The following MIPOL1 variants were observed in gnomAD, a reference collection of about 807,000 sequenced individuals.
MIPOL1 encodes the protein mirror-image polydactyly 1.
A neutral mutation model predicts 60.9 loss-of-function variants in MIPOL1; 57 were observed. That is an observed-to-expected ratio of 0.94 (90% CI 0.76 to 1.17). The LOEUF (loss-of-function observed/expected upper bound fraction) is 1.17, where lower values mean the gene tolerates loss of function less well. Among genes scored for constraint, MIPOL1 ranks in the 50% most tolerant of loss-of-function variants. The probability of loss-of-function intolerance (pLI) is 0.00; values close to 1 mark genes in which losing one functional copy is unlikely to be tolerated. For missense variants in MIPOL1, 551 were observed against 511.6 expected (o/e 1.08, Z -0.74); for synonymous variants, 179 against 168.8 (o/e 1.06, Z -0.47).
intron 6 of MIPOL1, among the ~76,000 whole-genome samples, chr14:37,280,348 G>T (rs528076210): frequency 1.9e-4 from 29 of 152,258 alleles, no homozygotes; most frequent in African/African-American, 6.7e-4. Context: ...AAGTGGAACT[G>T]CTGGATCACA....
intron 11 of MIPOL1, among the ~76,000 whole-genome samples, chr14:37,451,358 G>A (rs1376159229): frequency 1.3e-5 from 2 of 152,170 alleles, no homozygotes; most frequent in South Asian, 2.1e-4. Context: ...TCAGAAGCCA[G>A]TGTTTCTTCT....
At chr14:37,283,910 T>C (rs2084330781) in intron 6 of MIPOL1, among the ~76,000 whole-genome samples, 1 of 152,146 alleles carries the variant, frequency 6.6e-6, no homozygotes, top group Non-Finnish European at 1.5e-5. Flanking sequence ...AGATACACCA[T>C]GTTGGTTTCT....
At chr14:37,217,677 TA>T (rs1967983432) in intron 1 of MIPOL1, among the ~76,000 whole-genome samples, 1 of 152,326 alleles carries the variant, frequency 6.6e-6, no homozygotes, top group South Asian at 2.1e-4. Flanking sequence ...AAAGATTTGA[TA>T]AAATTCAGCT....
chr14:37,299,126 G>A (rs562282821), intron 7 of MIPOL1, among the ~76,000 whole-genome samples: 1 of 152,302 alleles, frequency 6.6e-6, no homozygotes, highest in South Asian at 2.1e-4. Context: ...CATAAAAAAT[G>A]ATGAGTTCAT....
intron 11 of MIPOL1, among the ~76,000 whole-genome samples, chr14:37,441,119 GT>G (rs2094238132): frequency 6.6e-6 from 1 of 151,452 alleles, no homozygotes; most frequent in Non-Finnish European, 1.5e-5. Context: ...TGGTTTTGCT[GT>G]TGTTATGTGA....
intron 7 of MIPOL1, among the ~76,000 whole-genome samples, chr14:37,303,228 A>G (rs1042386178): frequency 3.9e-5 from 6 of 151,934 alleles, no homozygotes; most frequent in African/African-American, 1.4e-4. Context: ...GGGCTAGACT[A>G]CTTGGCCAAA....
At chr14:37,282,474 T>G (rs1399904721) in intron 6 of MIPOL1, among the ~76,000 whole-genome samples, 1 of 151,924 alleles carries the variant, frequency 6.6e-6, no homozygotes, top group Non-Finnish European at 1.5e-5. Context: ...GCATGGTAGC[T>G]CACACCTATA....
intron 11 of MIPOL1, among the ~76,000 whole-genome samples, chr14:37,476,845 G>T (rs1023966633): frequency 6.8e-6 from 1 of 147,620 alleles, no homozygotes; most frequent in Non-Finnish European, 1.5e-5. Context: ...TTTGTTTAGG[G>T]TTTTTGTATC....
intron 7 of MIPOL1, among the ~76,000 whole-genome samples, chr14:37,292,140 T>G (rs2085128239): frequency 6.6e-6 from 1 of 151,892 alleles, no homozygotes; most frequent in Non-Finnish European, 1.5e-5. Flanking sequence ...TTAGCCAGGA[T>G]GGTCTCTATC....
intron 1 of MIPOL1, among the ~76,000 whole-genome samples, chr14:37,228,325 C>CTTTTTTTTTTTTTT (rs397961053): frequency 1.9e-5 from 2 of 105,178 alleles, no homozygotes; most frequent in Admixed American, 1.0e-4. Context: ...TCTTTCTTTT[C>CTTTTTTTTTTTTTT]TTTTTTTTTT....
intron 10 of MIPOL1, among the ~76,000 whole-genome samples, chr14:37,402,798 T>C (rs1458373016): frequency 6.6e-6 from 1 of 152,232 alleles, no homozygotes; most frequent in Non-Finnish European, 1.5e-5. Context: ...TGGCTTATTT[T>C]TAAACAGCAA....
intron 11 of MIPOL1, among the ~76,000 whole-genome samples, chr14:37,456,832 A>G (rs1303632188): frequency 2.0e-5 from 3 of 152,092 alleles, no homozygotes; most frequent in Admixed American, 2.0e-4. Context: ...TTGTAATTTT[A>G]TTTTCTTATA....
intron 9 of MIPOL1, among the ~76,000 whole-genome samples, chr14:37,330,146 T>C (rs535609405): frequency 6.6e-6 from 1 of 152,260 alleles, no homozygotes; most frequent in East Asian, 1.9e-4. Flanking sequence ...TTTAGTCATT[T>C]TAGTAATAAA....
At chr14:37,293,576 A>G (rs996767860) in intron 7 of MIPOL1, among the ~76,000 whole-genome samples, 18 of 152,320 alleles carry the variant, frequency 1.2e-4, no homozygotes, top group Non-Finnish European at 2.6e-4. Flanking sequence ...AAGGGGTGAC[A>G]GACGGCACCT....
chr14:37,436,308 T>C (rs925899480), intron 11 of MIPOL1, among the ~76,000 whole-genome samples: 4 of 152,262 alleles, frequency 2.6e-5, no homozygotes, highest in Admixed American at 2.6e-4. Flanking sequence ...TAGTCAGAAA[T>C]GATAAGGAGA....
intron 3 of MIPOL1, among the ~76,000 whole-genome samples, chr14:37,259,139 A>T (rs996983839): frequency 2.6e-5 from 4 of 152,148 alleles, no homozygotes; most frequent in Admixed American, 2.6e-4. Flanking sequence ...TGACAGATTT[A>T]GTGATTATCT....
At chr14:37,432,799 G>A (rs2094096800) in intron 11 of MIPOL1, among the ~76,000 whole-genome samples, 1 of 152,084 alleles carries the variant, frequency 6.6e-6, no homozygotes, top group Admixed American at 6.5e-5. Context: ...TGTTTGGTCT[G>A]CATATCATTG....
At chr14:37,275,828 T>A (rs781381015) in intron 6 of MIPOL1, among the ~76,000 whole-genome samples, 21 of 151,218 alleles carry the variant, frequency 1.4e-4, no homozygotes, top group Non-Finnish European at 2.4e-4. Flanking sequence ...ATGTCATCCA[T>A]TAAAGATTAG....
At chr14:37,268,238 A>G (rs569132047) in intron 4 of MIPOL1, among the ~76,000 whole-genome samples, 1 of 152,294 alleles carries the variant, frequency 6.6e-6, no homozygotes, top group South Asian at 2.1e-4. Context: ...ATGTATTGAT[A>G]TGTTCCCATC....
Sources: allele counts gnomAD v4.1 joint callset (sites outside exome capture counted in the v4.1 genomes callset), GRCh38; gene constraint gnomAD v4.1.1; transcripts MANE v1.5; gene names NCBI Gene and HGNC (gene_info 2026-07-23, HGNC 2026-07-21).